Variants in AGL observed in about 807,000 individuals in gnomAD.
The protein encoded by AGL is glycogen debranching enzyme.
In AGL, 128 loss-of-function variants were observed where a neutral mutation model predicts 199.3. The observed-to-expected ratio is 0.64, with a 90% CI of 0.56 to 0.74. The LOEUF (loss-of-function observed/expected upper bound fraction) is 0.74, where lower values mean the gene tolerates loss of function less well. Among genes scored for constraint, AGL ranks in the 30% least tolerant of loss-of-function variants. The pLI is 0.00. For missense variants in AGL, 1,809 were observed against 1,820.8 expected, an observed-to-expected ratio of 0.99 and a Z score of 0.12; for synonymous variants, 584 against 594.7, an observed-to-expected ratio of 0.98 and a Z score of 0.26.
intron 5 of AGL, among the ~76,000 whole-genome samples, chr1:99,867,473 T>C (rs1262222026): frequency 6.6e-6 from 1 of 152,136 alleles, no homozygotes; most frequent in African/African-American, 2.4e-5. Flanking sequence ...GGTTATAGTT[T>C]CATGCTAAGA....
intron 2 of AGL, among the ~76,000 whole-genome samples, chr1:99,858,442 A>G (rs1031939910): frequency 5.9e-5 from 9 of 152,188 alleles, no homozygotes; most frequent in African/African-American, 2.2e-4. Context: ...CTTTTCAGGC[A>G]ATGCACTCCC....
chr1:99,898,190 G>T (rs935601023), intron 25 of AGL, among the ~76,000 whole-genome samples: 1 of 151,972 alleles, frequency 6.6e-6, no homozygotes, highest in Non-Finnish European at 1.5e-5. Context: ...GGGACTACAG[G>T]CGCCCGCCAC....
intron 21 of AGL, among the ~76,000 whole-genome samples, chr1:99,890,513 T>TTTATC (rs1652795918): frequency 6.6e-6 from 1 of 152,094 alleles, no homozygotes; most frequent in Non-Finnish European, 1.5e-5. Flanking sequence ...ATTCATGCAA[T>TTTATC]TCTAAATAGA....
Position 99,850,960 on chromosome 1 carries a change from C to T in AGL, c.-68-15C>T, listed in dbSNP as rs1648898595. On this transcript the variant is annotated splice_polypyrimidine_tract_variant and intron_variant, in intron 1 of 33. Transcript: ENST00000361915. ...ATAGTTATTTTCGATATTTTAACTC[C>T]TTTTTGTTTCATAGGGGTAACTCAT... is the stretch of plus-strand genomic sequence containing the variant. 1 of 1,172,768 alleles carries T rather than the reference C, an allele frequency of 8.5e-7. No individual in the cohort carries two copies. The highest frequency in any genetic ancestry group is 1.3e-6 in the Non-Finnish European group (1 of 780,480). 72.6% of individuals were successfully genotyped at this position (1,172,768 alleles called of 1,614,324 possible).
chr1:99,851,883 A>C (rs1648976870), intron 2 of AGL, among the ~76,000 whole-genome samples: 1 of 149,320 alleles, frequency 6.7e-6, no homozygotes, highest in East Asian at 2.0e-4. Flanking sequence ...CTAATGTTTT[A>C]AGAATTAAAT....
intron 21 of AGL, among the ~76,000 whole-genome samples, chr1:99,888,643 T>C (rs955016954): frequency 5.9e-5 from 9 of 152,206 alleles, no homozygotes; most frequent in Admixed American, 2.0e-4. Context: ...CAGTAAAACA[T>C]ACAGTAGTTG....
chr1:99,916,666 G>C lies in AGL; in HGVS notation c.4416G>C (p.Glu1472Asp). ...ATTTTTCCAGATTGATGGGCCCGGA[G>C]ACTACTGCAAAGACTATAGTTTTGG... The part of the protein sequence containing the change: ...KLYFSRLMGP[E>D]TTAKTIVLVK... The change falls in exon 33 of 34, where the codon GAG becomes GAC. Residue 1472 changes from glutamate (E) to aspartate (D), a missense_variant. Physicochemically the swap from Glu to Asp is conservative, Grantham distance 45. Coordinates refer to ENST00000361915, the MANE Select transcript of AGL (RefSeq NM_000642.3). 1 of 1,613,058 alleles carries C rather than the reference G, an allele frequency of 6.2e-7. No homozygotes were observed. The highest frequency in any genetic ancestry group is 1.1e-5 in the South Asian group (1 of 91,066).
intron 2 of AGL, among the ~76,000 whole-genome samples, chr1:99,856,345 T>G (rs1468399356): frequency 1.8e-5 from 1 of 56,640 alleles, no homozygotes; most frequent in African/African-American, 5.0e-5. Flanking sequence ...CCTCCCTCCC[T>G]CCCTCCCTCC....
intron 7 of AGL, among the ~76,000 whole-genome samples, chr1:99,871,410 GCCC>G (rs5776495): frequency 0.71 from 100,636 of 141,968 alleles, 35,415 homozygotes; most frequent in South Asian, 0.77. Context: ...CAGTTAATGT[GCCC>G]CCCCCCCCCC....
rs897682137 is a variant in AGL, at chr1:99,922,408, A to G, written c.*757A>G. ...CGGTCATATTTCTAGAACTTTAAAG[A>G]AAAAAGAATGTTATATTAGTTTTCT... is the stretch of plus-strand genomic sequence containing the variant. On this transcript the variant is annotated 3_prime_UTR_variant, in exon 34 of 34. Coordinates refer to ENST00000361915, the MANE Select transcript of AGL (RefSeq NM_000642.3). 6.6e-6 allele frequency: 1 copy of G among 151,822 alleles called. No individual in the cohort carries two copies. Among genetic ancestry groups the G allele is most frequent in the African/African-American group, 2.4e-5 (1 of 41,448 alleles). 9.4% of individuals were successfully genotyped at this position (151,822 alleles called of 1,614,324 possible).
chr1:99,869,129 T>C (rs1052505561), intron 5 of AGL, among the ~76,000 whole-genome samples: 2 of 152,192 alleles, frequency 1.3e-5, no homozygotes, highest in African/African-American at 4.8e-5. Context: ...CTAGCCCCAA[T>C]ATTTATTTTT....
chr1:99,912,084 GT>G (rs1201087865), intron 28 of AGL, among the ~76,000 whole-genome samples: 1 of 151,920 alleles, frequency 6.6e-6, no homozygotes, highest in East Asian at 1.9e-4. Context: ...TATTTTTCAT[GT>G]TTGCTATCTT....
At chr1:99,914,543 G>T (rs1469323457) in intron 30 of AGL, among the ~76,000 whole-genome samples, 1 of 152,180 alleles carries the variant, frequency 6.6e-6, no homozygotes, top group Non-Finnish European at 1.5e-5. Context: ...ATAAATTATA[G>T]TAGAATGAAA....
At position 99,922,758 on chromosome 1, in the gene AGL, G is replaced by C. The variant is rs2100907012; in HGVS notation, c.*1107G>C. 1 of 152,070 alleles carries C rather than the reference G, an allele frequency of 6.6e-6. No homozygotes were observed. The highest frequency in any genetic ancestry group is 1.9e-4 in the East Asian group (1 of 5,172). The allele number at this position is 152,070 out of a possible 1,614,324, so 9.4% of individuals were successfully genotyped here. ...TTTTTACTGTTTTCTTAAGAAAACA[G>C]TTAAATCATTATGCATTCAGTTGGA... On this transcript the variant is annotated 3_prime_UTR_variant, in exon 34 of 34. Coordinates refer to ENST00000361915, the MANE Select transcript of AGL (RefSeq NM_000642.3).
intron 13 of AGL, 133 bp downstream of exon 13, chr1:99,880,179 A>G: frequency 1.5e-6 from 2 of 1,346,322 alleles, no homozygotes; most frequent in Non-Finnish European, 2.1e-6. Context: ...ACTTTGTATG[A>G]CATATTCTAA....
intron 7 of AGL, among the ~76,000 whole-genome samples, chr1:99,874,136 G>T (rs1651270678): frequency 6.6e-6 from 1 of 151,900 alleles, no homozygotes; most frequent in South Asian, 2.1e-4. Context: ...AAGAAAGTCA[G>T]GTTGTTAATA....
At chr1:99,892,078 A>T (rs1652942830) in intron 23 of AGL, among the ~76,000 whole-genome samples, 1 of 152,120 alleles carries the variant, frequency 6.6e-6, no homozygotes, top group South Asian at 2.1e-4. Flanking sequence ...AGGAGAAAAA[A>T]TTCCACTATT....
chr1:99,877,217 C>CT (rs1206229335), intron 11 of AGL, among the ~76,000 whole-genome samples: 1 of 152,034 alleles, frequency 6.6e-6, no homozygotes, highest in Non-Finnish European at 1.5e-5. Context: ...TCTCTGCCCT[C>CT]TTTTTTCTAG....
At position 99,857,867 on chromosome 1, in the gene AGL, C is replaced by T. The variant is rs546397549; in HGVS notation, c.83-3636C>T. The stretch of plus-strand genomic sequence containing the variant: ...GGGGGAGGGGGGAAGAGGGAGAGGG[C>T]TCTTTTCTTTTCTCTCTACCTGTTT... On this transcript the variant is annotated intron_variant, in intron 2 of 33. Coordinates refer to ENST00000361915, the MANE Select transcript of AGL (RefSeq NM_000642.3). Among the ~76,000 whole-genome samples, 374 of 62,964 alleles carry T rather than the reference C, an allele frequency of 5.9e-3. 1 individual carries two copies. Among genetic ancestry groups the T allele is most frequent in the African/African-American group, 0.023 (352 of 15,530 alleles). 41.3% of individuals were successfully genotyped at this position (62,964 alleles called of 152,430 possible).
Sources: allele counts gnomAD v4.1 joint callset (sites outside exome capture counted in the v4.1 genomes callset), GRCh38; gene constraint gnomAD v4.1.1; transcripts MANE v1.5; gene names NCBI Gene and HGNC (gene_info 2026-07-23, HGNC 2026-07-21).